UGT2A1: variants seen among roughly 807,000 people sequenced by gnomAD.
The protein encoded by UGT2A1 is UDP glucuronosyltransferase family 2 member A1 complex locus, also known as UDP-glucuronosyltransferase 2A1.
A neutral mutation model predicts 45.4 loss-of-function variants in UGT2A1; 61 were observed. The ratio of observed to expected loss-of-function variants is 1.34; its 90% confidence interval spans 1.09 to 1.66. The LOEUF (loss-of-function observed/expected upper bound fraction) is 1.66, where lower values mean the gene tolerates loss of function less well. Ranked by LOEUF, UGT2A1 falls within the 40% of genes most tolerant of loss-of-function variation. UGT2A1 has a pLI of 0.00. For missense variants in UGT2A1, 649 were observed against 574.3 expected (o/e 1.13, Z -1.33); for synonymous variants, 229 against 196.2 (o/e 1.17, Z -1.40).
intron 3 of UGT2A1, among the ~76,000 whole-genome samples, chr4:69,630,707 G>A (rs750143317): frequency 6.6e-6 from 1 of 152,048 alleles, no homozygotes; most frequent in Non-Finnish European, 1.5e-5. Context: ...AAGATGCCAA[G>A]GATGTATAAA....
intron 3 of UGT2A1, among the ~76,000 whole-genome samples, chr4:69,608,604 G>A (rs1400790139): frequency 1.3e-5 from 2 of 151,596 alleles, no homozygotes; most frequent in African/African-American, 4.8e-5. Flanking sequence ...AGGCTGAGAG[G>A]GAGTCAGGGA....
chr4:69,610,020 A>G (rs992079776), intron 3 of UGT2A1, among the ~76,000 whole-genome samples: 5 of 152,176 alleles, frequency 3.3e-5, no homozygotes, highest in African/African-American at 1.2e-4. Context: ...GCAGACCTAT[A>G]AAGTTTTTAA....
chr4:69,632,492 G>C (rs1270316139), intron 3 of UGT2A1, among the ~76,000 whole-genome samples: 7 of 152,130 alleles, frequency 4.6e-5, no homozygotes, highest in Non-Finnish European at 7.4e-5. Context: ...TAATCTCACG[G>C]AGGATAATTT....
chr4:69,631,612 A>G (rs1721390460), intron 3 of UGT2A1, among the ~76,000 whole-genome samples: 1 of 152,206 alleles, frequency 6.6e-6, no homozygotes, highest in Non-Finnish European at 1.5e-5. Flanking sequence ...ACTTCAATGT[A>G]GTCAGATATT....
At chr4:69,649,737 T>G (rs1722435822) in intron 1 of UGT2A1, among the ~76,000 whole-genome samples, 1 of 152,066 alleles carries the variant, frequency 6.6e-6, no homozygotes, top group African/African-American at 2.4e-5. Flanking sequence ...GTTTCTTTCC[T>G]TTTTTGGACA....
chr4:69,618,207 G>A (rs1215531961), intron 3 of UGT2A1, among the ~76,000 whole-genome samples: 100 of 72,792 alleles, frequency 1.4e-3, no homozygotes, highest in African/African-American at 3.3e-3. Context: ...GTGTGTGTGT[G>A]TGTGTGTGTA....
chr4:69,646,830 C>G, intron 2 of UGT2A1, 100 bp downstream of exon 2: 1 of 811,466 alleles, frequency 1.2e-6, no homozygotes, highest in African/African-American at 1.7e-5. Flanking sequence ...TACATCAATA[C>G]TTGGAATTAA....
intron 2 of UGT2A1, chr4:69,639,791 A>G (rs1299701160): frequency 2.7e-6 from 2 of 740,774 alleles, no homozygotes; most frequent in Non-Finnish European, 4.0e-6. Context: ...TCAAATTCCT[A>G]TATGCACTAA....
At chr4:69,598,708 GAGT>G (rs1719077206) in intron 4 of UGT2A1, among the ~76,000 whole-genome samples, 1 of 151,830 alleles carries the variant, frequency 6.6e-6, no homozygotes, top group Admixed American at 6.6e-5. Flanking sequence ...CAACTCAAAA[GAGT>G]TTTTTTTTTA....
chr4:69,606,741 A>T (rs1262532759), intron 3 of UGT2A1, among the ~76,000 whole-genome samples: 2 of 137,008 alleles, frequency 1.5e-5, no homozygotes, highest in African/African-American at 5.9e-5. Flanking sequence ...ATACAAAATC[A>T]ATGTGCAAAA....
chr4:69,640,799 A>C (rs767237250), intron 2 of UGT2A1, among the ~76,000 whole-genome samples: 21 of 151,836 alleles, frequency 1.4e-4, no homozygotes, highest in Non-Finnish European at 4.4e-5. Context: ...CCTCTCAAGA[A>C]TAAGCCTCAA....
At position 69,598,889 on chromosome 4, in the gene UGT2A1, G is replaced by T. The variant is rs901996779; in HGVS notation, c.996+357C>A. On this transcript the variant is annotated intron_variant, in intron 4 of 6. Transcript: ENST00000286604. Reference sequence around the variant, plus strand: ...TCATGAAGACATCTTTATCTCTCAAGAAATTTGGTAAATATTACTGTTCAT... The same window carrying T: ...TCATGAAGACATCTTTATCTCTCAATAAATTTGGTAAATATTACTGTTCAT... Among the ~76,000 whole-genome samples the T allele has an allele frequency of 2.0e-5, 3 of 152,030 alleles. No homozygotes were observed. The South Asian group carries it at 6.2e-4, about 32-fold the overall frequency.
intron 1 of UGT2A1, among the ~76,000 whole-genome samples, chr4:69,648,681 T>C (rs191027493): frequency 6.6e-6 from 1 of 152,056 alleles, no homozygotes; most frequent in Admixed American, 6.6e-5. Flanking sequence ...TACAGCAAAA[T>C]AAGAAAATAT....
intron 3 of UGT2A1, among the ~76,000 whole-genome samples, chr4:69,633,824 G>T (rs1379939736): frequency 6.6e-6 from 1 of 152,280 alleles, no homozygotes; most frequent in East Asian, 1.9e-4. Flanking sequence ...GGATGAAAGA[G>T]GAGTTATGGA....
chr4:69,594,336 G>T, intron 6 of UGT2A1, 141 bp downstream of exon 6: 2 of 1,154,982 alleles, frequency 1.7e-6, no homozygotes, highest in South Asian at 1.7e-5. Flanking sequence ...TAGCAGTTTG[G>T]CAAATAAAAT....
At chr4:69,621,855 C>T (rs976170091) in intron 3 of UGT2A1, among the ~76,000 whole-genome samples, 1 of 151,726 alleles carries the variant, frequency 6.6e-6, no homozygotes, top group Non-Finnish European at 1.5e-5. Context: ...TTTGCAGGAA[C>T]ATAGATGGAG....
At chr4:69,629,304 C>A (rs1721258246) in intron 3 of UGT2A1, among the ~76,000 whole-genome samples, 1 of 151,986 alleles carries the variant, frequency 6.6e-6, no homozygotes, top group Admixed American at 6.6e-5. Flanking sequence ...GTTTACTTTG[C>A]AGGTCTGGAT....
At chr4:69,605,958 G>C (rs1448452187) in intron 3 of UGT2A1, among the ~76,000 whole-genome samples, 1 of 136,404 alleles carries the variant, frequency 7.3e-6, no homozygotes, top group Middle Eastern at 3.6e-3. Flanking sequence ...AAAAGTCCAG[G>C]ACCAGATGGA....
At chr4:69,594,164 CAG>C (rs1384616002) in intron 6 of UGT2A1, among the ~76,000 whole-genome samples, 1 of 151,762 alleles carries the variant, frequency 6.6e-6, no homozygotes, top group Non-Finnish European at 1.5e-5. Context: ...TTAGTAGAGA[CAG>C]GGTTTCACCG....
Sources: allele counts gnomAD v4.1 joint callset (sites outside exome capture counted in the v4.1 genomes callset), GRCh38; gene constraint gnomAD v4.1.1; transcripts MANE v1.5; gene names NCBI Gene and HGNC (gene_info 2026-07-23, HGNC 2026-07-21).